Variants in SHANK2 observed in about 807,000 individuals in gnomAD.
SHANK2 encodes SH3 and multiple ankyrin repeat domains protein 2.
Under a neutral mutation model 133.7 loss-of-function variants are expected in SHANK2, and 43 were observed. That is an observed-to-expected ratio of 0.32 (90% CI 0.25 to 0.41). The LOEUF (loss-of-function observed/expected upper bound fraction) is 0.41. SHANK2 is among the 10% of genes least tolerant of loss of function. SHANK2 has a pLI of 1.00. For missense variants in SHANK2, 1,994 were observed against 2,235.8 expected, an observed-to-expected ratio of 0.89 and a Z score of 2.18; for synonymous variants, 1,017 against 952.8, an observed-to-expected ratio of 1.07 and a Z score of -1.24.
chr11:70,543,646 A>G lies in SHANK2; in HGVS notation c.2062-40715T>C, dbSNP rs113911212. 4.3e-3 allele frequency among the ~76,000 whole-genome samples: 662 copies of G among 152,306 alleles called. 4 individuals carry two copies. The highest frequency in any genetic ancestry group is 7.7e-3 in the Non-Finnish European group (524 of 68,022). On this transcript the variant is annotated intron_variant, in intron 17 of 25. Transcript: ENST00000601538. ...CATCACTCCATTTGTAATATCCTTT[A>G]TAAGAAACCGGCAAACGTATTTCCC...
At chr11:71,059,286 C>T (rs2135928052) in intron 9 of SHANK2, among the ~76,000 whole-genome samples, 1 of 152,212 alleles carries the variant, frequency 6.6e-6, no homozygotes, top group East Asian at 1.9e-4. Context: ...TAGGGAGCAG[C>T]TGCCAACAGG....
intron 17 of SHANK2, among the ~76,000 whole-genome samples, chr11:70,525,133 G>T (rs1027815565): frequency 6.6e-6 from 1 of 152,238 alleles, no homozygotes; most frequent in Admixed American, 6.5e-5. Flanking sequence ...AAACAGGGAC[G>T]CGTGTGGAGG....
intron 10 of SHANK2, among the ~76,000 whole-genome samples, chr11:70,919,844 T>G (rs960828458): frequency 1.3e-5 from 2 of 152,366 alleles, no homozygotes; most frequent in East Asian, 3.9e-4. Context: ...GATTGCATCA[T>G]GCTTGTGCCT....
chr11:70,602,704 T>G (rs1246896478), intron 17 of SHANK2, among the ~76,000 whole-genome samples: 2 of 152,254 alleles, frequency 1.3e-5, no homozygotes, highest in African/African-American at 4.8e-5. Flanking sequence ...TCAGTGTGCT[T>G]GATTACATGA....
At chr11:71,229,975 G>A (rs1261256975) in intron 1 of SHANK2, among the ~76,000 whole-genome samples, 1 of 152,108 alleles carries the variant, frequency 6.6e-6, no homozygotes, top group Non-Finnish European at 1.5e-5. Context: ...AGGTGATGAT[G>A]ATGAACACAA....
chr11:70,545,894 T>A (rs2059686799), intron 17 of SHANK2, among the ~76,000 whole-genome samples: 1 of 152,154 alleles, frequency 6.6e-6, no homozygotes, highest in African/African-American at 2.4e-5. Flanking sequence ...TGCTCAGGTC[T>A]GATATTTGCT....
chr11:71,167,403 C>T (rs1487275031), intron 2 of SHANK2, among the ~76,000 whole-genome samples: 4 of 149,996 alleles, frequency 2.7e-5, no homozygotes, highest in African/African-American at 7.4e-5. Flanking sequence ...GGCGGCTGGC[C>T]GGGCGGGGGG....
At chr11:70,923,503 A>C (rs1950380238) in intron 10 of SHANK2, among the ~76,000 whole-genome samples, 1 of 151,940 alleles carries the variant, frequency 6.6e-6, no homozygotes, top group South Asian at 2.1e-4. Flanking sequence ...CCACCTCCCA[A>C]AGCACTGGGA....
In SHANK2 at chr11:70,798,552, C is replaced by CAGAACT; in HGVS notation, c.1664-2_1667dup (p.Val555_Leu556dup). ...CCCAGAAGCCCCCTTCACCGATGCT[C>CAGAACT]AGAACTAGAGACGACAAAAAGGGAG... On this transcript the variant is annotated inframe_insertion, in exon 14 of 26. Transcript: ENST00000601538. The CAGAACT allele has an allele frequency of 1.4e-6, 1 of 718,624 alleles. No homozygotes were observed. The highest frequency in any genetic ancestry group is 2.6e-6 in the Non-Finnish European group (1 of 385,112). The allele number at this position is 718,624 out of a possible 1,614,324, so 44.5% of individuals were successfully genotyped here.
intron 15 of SHANK2, among the ~76,000 whole-genome samples, chr11:70,677,806 G>T (rs1405827505): frequency 6.6e-6 from 1 of 152,170 alleles, no homozygotes; most frequent in Admixed American, 6.5e-5. Flanking sequence ...CAAAGCCAGG[G>T]TCCTTGCGTA....
rs1455602801 is a variant in SHANK2, at chr11:71,175,582, G to C, written c.-12-28244C>G. Among the ~76,000 whole-genome samples, 15 of 148,958 alleles carry C rather than the reference G, an allele frequency of 1.0e-4. 1 individual carries two copies. Among genetic ancestry groups the C allele is most frequent in the African/African-American group, 3.3e-4 (13 of 39,826 alleles). Reference sequence around the variant, plus strand: ...AGAGAGAGAGAGAGAGAGAGAGAGAGAGAGAGAGAGAGAGAGAGAGACAGA... The same window carrying C: ...AGAGAGAGAGAGAGAGAGAGAGAGACAGAGAGAGAGAGAGAGAGAGACAGA... On this transcript the variant is annotated intron_variant, in intron 2 of 25. Coordinates refer to ENST00000601538, the MANE Select transcript of SHANK2 (RefSeq NM_012309.5). The surrounding 1 kb of genome is among the most constrained non-coding windows in gnomAD (Gnocchi z 4.2).
chr11:70,506,101 C>T (rs914879931), intron 17 of SHANK2, among the ~76,000 whole-genome samples: 15 of 152,294 alleles, frequency 9.8e-5, no homozygotes, highest in Non-Finnish European at 1.9e-4. Flanking sequence ...AAAGGCCTCT[C>T]GGGGAATGAG....
intron 15 of SHANK2, among the ~76,000 whole-genome samples, chr11:70,693,900 A>G (rs1004732473): frequency 5.9e-5 from 9 of 152,326 alleles, no homozygotes; most frequent in Admixed American, 5.9e-4. Flanking sequence ...ATAGACGGAC[A>G]GGTGGACAGG....
chr11:70,751,689 A>G (rs1189903362), intron 14 of SHANK2, among the ~76,000 whole-genome samples: 1 of 152,232 alleles, frequency 6.6e-6, no homozygotes, highest in Non-Finnish European at 1.5e-5. Flanking sequence ...AGTAGTTTCA[A>G]TATATGTGGG....
chr11:71,242,422 C>A (rs1390803526), intron 1 of SHANK2, among the ~76,000 whole-genome samples: 1 of 152,140 alleles, frequency 6.6e-6, no homozygotes, highest in Non-Finnish European at 1.5e-5. Context: ...ATAAAATGTG[C>A]ATTGGGAAAA....
intron 10 of SHANK2, among the ~76,000 whole-genome samples, chr11:70,936,193 T>C (rs1950568032): frequency 6.6e-6 from 1 of 152,158 alleles, no homozygotes; most frequent in Non-Finnish European, 1.5e-5. Context: ...CTAAAACCAA[T>C]GCGAGAGTTT....
intron 14 of SHANK2, among the ~76,000 whole-genome samples, chr11:70,765,902 C>T (rs1947111723): frequency 6.6e-6 from 1 of 152,190 alleles, no homozygotes; most frequent in Non-Finnish European, 1.5e-5. Flanking sequence ...AAGTAGAGGA[C>T]ATCTGTACGG....
intron 17 of SHANK2, among the ~76,000 whole-genome samples, chr11:70,629,283 C>A (rs1441936343): frequency 6.6e-6 from 1 of 152,172 alleles, no homozygotes; most frequent in Non-Finnish European, 1.5e-5. Context: ...AGGCTGCTGC[C>A]GAAAAGGCTG....
At chr11:70,700,198 A>G (rs1945487677) in intron 14 of SHANK2, among the ~76,000 whole-genome samples, 1 of 152,112 alleles carries the variant, frequency 6.6e-6, no homozygotes, top group African/African-American at 2.4e-5. Flanking sequence ...ACAAAACACA[A>G]CAGGACTCCC....
Sources: allele counts gnomAD v4.1 joint callset (sites outside exome capture counted in the v4.1 genomes callset), GRCh38; gene constraint gnomAD v4.1.1; non-coding constraint Gnocchi (gnomAD v3.1); transcripts MANE v1.5; gene names NCBI Gene and HGNC (gene_info 2026-07-23, HGNC 2026-07-21).